RGS7: variants seen among roughly 807,000 people sequenced by gnomAD.
RGS7 encodes the protein regulator of G-protein signaling 7.
In RGS7, 27 loss-of-function variants were observed where a neutral mutation model predicts 81.1. The ratio of observed to expected loss-of-function variants is 0.33; its 90% CI spans 0.25 to 0.46. The LOEUF is 0.46. Among genes scored for constraint, RGS7 ranks in the 20% least tolerant of loss-of-function variants. The pLI is 1.00. For missense variants in RGS7, 396 were observed against 607.4 expected (o/e 0.65, Z 3.66); for synonymous variants, 208 against 207.7 (o/e 1.00, Z -0.01).
chr1:241,002,406 T>A (rs1322336511), intron 3 of RGS7, among the ~76,000 whole-genome samples: 2 of 150,590 alleles, frequency 1.3e-5, no homozygotes, highest in Non-Finnish European at 2.9e-5. Flanking sequence ...TGAGCCAAGA[T>A]CGAGCCTTTG....
At chr1:241,278,077 C>T (rs1337285379) in intron 2 of RGS7, among the ~76,000 whole-genome samples, 1 of 152,206 alleles carries the variant, frequency 6.6e-6, no homozygotes, top group African/African-American at 2.4e-5. Flanking sequence ...CACAGCGATG[C>T]TTCCTGCCAT....
In RGS7 at chr1:241,310,934, A is replaced by G. The variant is rs192967905; in HGVS notation, c.78+44765T>C. On this transcript the variant is annotated intron_variant, in intron 2 of 18. Coordinates refer to ENST00000440928, the MANE Select transcript of RGS7 (RefSeq NM_001364886.1). ...CAAAGAAATTAGCCAGGATCCTTTC[A>G]TCTCGATCCCTGGAGTTGGTGGAAT... Among the ~76,000 whole-genome samples the G allele has an allele frequency of 6.5e-3, 984 of 152,346 alleles. 5 individuals are homozygous for G. Among genetic ancestry groups the G allele is most frequent in the Middle Eastern group, 0.031 (9 of 294 alleles).
intron 2 of RGS7, among the ~76,000 whole-genome samples, chr1:241,236,244 C>T (rs1189537622): frequency 6.7e-6 from 1 of 150,016 alleles, no homozygotes; most frequent in East Asian, 2.0e-4. Flanking sequence ...CATGTAAGCA[C>T]TTAGAGAAAT....
intron 9 of RGS7, among the ~76,000 whole-genome samples, chr1:240,831,146 T>C (rs1693766743): frequency 1.3e-5 from 2 of 152,156 alleles, no homozygotes; most frequent in Non-Finnish European, 2.9e-5. Context: ...AATGACTAAA[T>C]GGTTAAAATA....
intron 2 of RGS7, among the ~76,000 whole-genome samples, chr1:241,119,408 G>A (rs1453956328): frequency 6.6e-6 from 1 of 152,154 alleles, no homozygotes; most frequent in Non-Finnish European, 1.5e-5. Flanking sequence ...AACAATGAAT[G>A]ATACTCTTCT....
In RGS7 at chr1:241,031,817, G is replaced by A. The variant is rs149057359; in HGVS notation, c.176-48688C>T. Among the ~76,000 whole-genome samples, 832 of 150,836 alleles carry A rather than the reference G, an allele frequency of 5.5e-3. 10 individuals are homozygous for A. The highest frequency in any genetic ancestry group is 0.019 in the African/African-American group (784 of 40,534). On this transcript the variant is annotated intron_variant, in intron 3 of 18. Transcript: ENST00000440928. ...TTGTGCCCTCTGCCCACTTTTTAAT[G>A]GGGTTATTTGTTTTCTTTGTCATCG...
chr1:241,270,278 C>T (rs1173958857), intron 2 of RGS7, among the ~76,000 whole-genome samples: 1 of 152,136 alleles, frequency 6.6e-6, no homozygotes, highest in African/African-American at 2.4e-5. Flanking sequence ...TGGAGTGGGG[C>T]TCTCGGTCTA....
chr1:240,989,491 T>A (rs1027118407), intron 3 of RGS7, among the ~76,000 whole-genome samples: 3 of 151,032 alleles, frequency 2.0e-5, no homozygotes, highest in Admixed American at 6.6e-5. Context: ...CAGCACCCAA[T>A]CTAGAGCAAA....
chr1:241,087,377 T>G (rs2063508942), intron 3 of RGS7, among the ~76,000 whole-genome samples: 1 of 152,234 alleles, frequency 6.6e-6, no homozygotes, highest in Admixed American at 6.5e-5. Flanking sequence ...AATTTACATT[T>G]GTTGATAAAG....
intron 4 of RGS7, among the ~76,000 whole-genome samples, chr1:240,969,209 G>A (rs1682816097): frequency 6.6e-6 from 1 of 151,634 alleles, no homozygotes; most frequent in African/African-American, 2.4e-5. Context: ...CCTTTTTAAG[G>A]AAAGTTGCTT....
intron 2 of RGS7, among the ~76,000 whole-genome samples, chr1:241,246,376 G>A (rs556335863): frequency 6.6e-6 from 1 of 152,240 alleles, no homozygotes; most frequent in South Asian, 2.1e-4. Context: ...CCGTGATAGA[G>A]CATGGTTGTG....
intron 2 of RGS7, among the ~76,000 whole-genome samples, chr1:241,250,414 C>T (rs1038160909): frequency 1.6e-4 from 25 of 151,910 alleles, no homozygotes; most frequent in African/African-American, 5.8e-4. Context: ...TGCAAAACAG[C>T]ATCCTGAATA....
chr1:241,132,741 A>ATTTG (rs751782828), intron 2 of RGS7, among the ~76,000 whole-genome samples: 4,667 of 151,052 alleles, frequency 0.031, 81 homozygotes, highest in African/African-American at 0.032. Context: ...TCAACTTATT[A>ATTTG]TTTGTTTGTT....
intron 18 of RGS7, among the ~76,000 whole-genome samples, chr1:240,789,416 C>T (rs1439052868): frequency 6.6e-6 from 1 of 152,204 alleles, no homozygotes; most frequent in Non-Finnish European, 1.5e-5. Flanking sequence ...CAAGAGAGAT[C>T]ACCTTAAACT....
At chr1:241,350,248 T>C (rs575430811) in intron 2 of RGS7, among the ~76,000 whole-genome samples, 21 of 152,354 alleles carry the variant, frequency 1.4e-4, no homozygotes, top group East Asian at 5.8e-4. Context: ...ATATCAATGA[T>C]GGTCCTATCT....
intron 2 of RGS7, among the ~76,000 whole-genome samples, chr1:241,196,414 T>A (rs761763664): frequency 6.6e-6 from 1 of 151,990 alleles, no homozygotes; most frequent in Non-Finnish European, 1.5e-5. Context: ...TTTGAAGTCA[T>A]CAGAGAGCAT....
intron 2 of RGS7, among the ~76,000 whole-genome samples, chr1:241,212,857 C>T (rs1164784847): frequency 6.6e-6 from 1 of 152,154 alleles, no homozygotes; most frequent in Non-Finnish European, 1.5e-5. Flanking sequence ...TAAGCCACAC[C>T]TCCTCCCACT....
At chr1:240,938,110 C>T (rs1461406868) in intron 4 of RGS7, among the ~76,000 whole-genome samples, 5 of 152,158 alleles carry the variant, frequency 3.3e-5, no homozygotes, top group Admixed American at 2.6e-4. Context: ...TACAGTTGTC[C>T]CTTGGTATCC....
chr1:241,300,482 G>T (rs534985182), intron 2 of RGS7, among the ~76,000 whole-genome samples: 1 of 151,898 alleles, frequency 6.6e-6, no homozygotes, highest in South Asian at 2.1e-4. Context: ...CCATAGTTTT[G>T]CCTTTTCCAG....
Sources: allele counts gnomAD v4.1 joint callset (sites outside exome capture counted in the v4.1 genomes callset), GRCh38; gene constraint gnomAD v4.1.1; transcripts MANE v1.5; gene names NCBI Gene and HGNC (gene_info 2026-07-23, HGNC 2026-07-21).